Variants in COL26A1 observed in about 807,000 individuals in gnomAD.
COL26A1 encodes collagen type XXVI alpha 1 chain, also known as collagen alpha-1(XXVI) chain.
COL26A1 carries 41 observed loss-of-function variants against 59.3 expected under a neutral mutation model. The ratio of observed to expected loss-of-function variants is 0.69; its 90% confidence interval spans 0.54 to 0.90. COL26A1 has a LOEUF of 0.90. COL26A1 is among the 40% of genes least tolerant of loss of function. The pLI, the probability that COL26A1 is intolerant of heterozygous loss-of-function variation, is 0.00. For missense variants in COL26A1, 612 were observed against 602.3 expected, an observed-to-expected ratio of 1.02 and a Z score of -0.17; for synonymous variants, 266 against 256.0, an observed-to-expected ratio of 1.04 and a Z score of -0.37.
chr7:101,489,826 CTTTCTTTCTTTCTTTCTTTCTTTCTTTCT>C (rs1794395746), intron 3 of COL26A1, among the ~76,000 whole-genome samples: 1 of 9,380 alleles, frequency 1.1e-4, no homozygotes, highest in Non-Finnish European at 1.7e-4. Flanking sequence ...TTCTTTCTTT[CTTTCTTTCTTTCTTTCTTTCTTTCTTTCT>C]TTCTTTCTTT....
At position 101,363,093 on chromosome 7, in the gene COL26A1, A is replaced by G. The variant is rs779826844; in HGVS notation, c.61A>G (p.Thr21Ala). 7.6e-6 allele frequency: 12 copies of G among 1,571,052 alleles called. No homozygotes were observed. In the East Asian group the frequency reaches 1.9e-4, roughly 25 times the overall value. Residue 21 changes from threonine (T) to alanine (A), a missense_variant, in exon 1 of 13, where the codon ACC becomes GCC. Coordinates refer to ENST00000313669, the MANE Select transcript of COL26A1 (RefSeq NM_001278563.3). ...CTGCCTCTGCGGGTCGGCGCTGGCC[A>G]CCGGCTTCCTCTATCCCTTCTCGGC... ...CCCLCGSALA[T>A]GFLYPFSAAA...
intron 2 of COL26A1, among the ~76,000 whole-genome samples, chr7:101,439,424 C>G (rs1016297707): frequency 6.6e-6 from 1 of 151,584 alleles, no homozygotes. Flanking sequence ...AGTGGTGGTG[C>G]GCACCTGTAA....
chr7:101,442,729 AGT>A (rs746813668), intron 2 of COL26A1, among the ~76,000 whole-genome samples: 79 of 152,170 alleles, frequency 5.2e-4, no homozygotes, highest in Non-Finnish European at 7.4e-4. Flanking sequence ...TGTGAGGCTG[AGT>A]GTGTGTTTAT....
At chr7:101,437,741 A>AT (rs1301445389) in intron 2 of COL26A1, among the ~76,000 whole-genome samples, 2,519 of 139,336 alleles carry the variant, frequency 0.018, 24 homozygotes, top group East Asian at 0.04. Flanking sequence ...CACCCCACTA[A>AT]TTTTTTTTTT....
chr7:101,470,590 C>G (rs904700282), intron 3 of COL26A1, among the ~76,000 whole-genome samples: 4 of 151,976 alleles, frequency 2.6e-5, no homozygotes, highest in African/African-American at 7.3e-5. Flanking sequence ...TAATCTCTTT[C>G]TATCTCCTGT....
At chr7:101,435,528 A>C (rs192872627) in intron 2 of COL26A1, among the ~76,000 whole-genome samples, 1 of 151,636 alleles carries the variant, frequency 6.6e-6, no homozygotes, top group Non-Finnish European at 1.5e-5. Context: ...GGGAAATAGA[A>C]CCCCCCCACC....
intron 1 of COL26A1, among the ~76,000 whole-genome samples, chr7:101,378,362 C>T (rs1329140087): frequency 3.3e-5 from 5 of 152,028 alleles, no homozygotes; most frequent in Non-Finnish European, 7.4e-5. Context: ...TTGAATAACC[C>T]ATTCTTCCTT....
At chr7:101,464,909 G>A (rs903589540) in intron 3 of COL26A1, among the ~76,000 whole-genome samples, 16 of 148,856 alleles carry the variant, frequency 1.1e-4, no homozygotes, top group South Asian at 4.3e-4. Flanking sequence ...GCGGGGTCTC[G>A]CTATGTTGCC....
At chr7:101,430,285 CTCTTTCTT>C (rs752235478) in intron 2 of COL26A1, among the ~76,000 whole-genome samples, 58 of 151,406 alleles carry the variant, frequency 3.8e-4, no homozygotes, top group Middle Eastern at 3.2e-3. Flanking sequence ...CTCTCTTTCT[CTCTTTCTT>C]TCTTTCTTTC....
intron 2 of COL26A1, among the ~76,000 whole-genome samples, chr7:101,433,794 T>C (rs2130327981): frequency 6.6e-6 from 1 of 152,038 alleles, no homozygotes; most frequent in East Asian, 1.9e-4. Flanking sequence ...CGCAGGGGGA[T>C]CCACAGAACA....
intron 1 of COL26A1, among the ~76,000 whole-genome samples, chr7:101,387,594 C>T (rs1791606980): frequency 6.9e-6 from 1 of 144,722 alleles, no homozygotes; most frequent in Non-Finnish European, 1.5e-5. Flanking sequence ...ACTCTGTCAC[C>T]CAGGCTGGAG....
intron 3 of COL26A1, among the ~76,000 whole-genome samples, chr7:101,470,106 G>GTTT (rs1414523604): frequency 7.0e-6 from 1 of 143,648 alleles, no homozygotes; most frequent in Non-Finnish European, 1.5e-5. Context: ...CTTTTTTTTT[G>GTTT]TTTTTTTTTT....
intron 3 of COL26A1, among the ~76,000 whole-genome samples, chr7:101,475,317 G>A (rs1481002463): frequency 6.6e-6 from 1 of 151,674 alleles, no homozygotes; most frequent in Non-Finnish European, 1.5e-5. Context: ...TAGGTAGGGA[G>A]GGCACCTCTG....
At position 101,533,153 on chromosome 7, in the gene COL26A1, G is replaced by A. The variant is rs1295662260; in HGVS notation, c.447+10G>A. On this transcript the variant is annotated intron_variant, in intron 4 of 12. Transcript: ENST00000313669. ...CACACTGGAGGCCAAGGTCAGTCGG[G>A]CTGGGGAGTCTGGGCCTGGGGAGCT... 8.2e-6 allele frequency: 13 copies of A among 1,594,726 alleles called. No homozygotes were observed. The highest frequency in any genetic ancestry group is 2.6e-6 in the Non-Finnish European group (3 of 1,172,328).
chr7:101,464,407 C>CCTATT (rs1554416189), intron 3 of COL26A1, among the ~76,000 whole-genome samples: 1 of 149,010 alleles, frequency 6.7e-6, no homozygotes, highest in African/African-American at 2.5e-5. Flanking sequence ...GCATCTAATT[C>CCTATT]TTATTTTATT....
intron 1 of COL26A1, 28 bp downstream of exon 1, chr7:101,363,218 G>T: frequency 1.5e-6 from 2 of 1,320,588 alleles, no homozygotes; most frequent in South Asian, 1.5e-5. Context: ...GAGGGGCCGG[G>T]GGGTGGGGGG....
intron 3 of COL26A1, among the ~76,000 whole-genome samples, chr7:101,530,655 C>T (rs1795346726): frequency 1.3e-5 from 2 of 150,708 alleles, no homozygotes; most frequent in Admixed American, 1.3e-4. Flanking sequence ...GGAGGCTGGC[C>T]TTTCAGGGAC....
chr7:101,529,267 A>AT (rs751376892), intron 3 of COL26A1, among the ~76,000 whole-genome samples: 1 of 151,932 alleles, frequency 6.6e-6, no homozygotes, highest in Non-Finnish European at 1.5e-5. Context: ...TCACCCAAAT[A>AT]TTTTTTGTTT....
chr7:101,510,614 C>A (rs896919345), intron 3 of COL26A1, among the ~76,000 whole-genome samples: 9 of 152,162 alleles, frequency 5.9e-5, no homozygotes, highest in African/African-American at 1.9e-4. Context: ...CTCCAGTGAT[C>A]CTCCTACCTC....
Sources: allele counts gnomAD v4.1 joint callset (sites outside exome capture counted in the v4.1 genomes callset), GRCh38; gene constraint gnomAD v4.1.1; transcripts MANE v1.5; gene names NCBI Gene and HGNC (gene_info 2026-07-23, HGNC 2026-07-21).